TRPM5: variants seen among roughly 807,000 people sequenced by gnomAD.
The protein encoded by TRPM5 is transient receptor potential cation channel subfamily M member 5.
TRPM5 carries 121 observed loss-of-function variants against 124.9 expected under a neutral mutation model. That is an observed-to-expected ratio of 0.97 (90% CI 0.84 to 1.13). The LOEUF (loss-of-function observed/expected upper bound fraction) is 1.13, where lower values mean the gene tolerates loss of function less well. Among genes scored for constraint, TRPM5 ranks in the 50% most tolerant of loss-of-function variants. TRPM5 has a pLI of 0.00. For missense variants in TRPM5, 1,643 were observed against 1,589.1 expected (o/e 1.03, Z -0.58); for synonymous variants, 781 against 700.5 (o/e 1.11, Z -1.81).
chr11:2,433,854 C>T, the TRPM5 span, among the ~76,000 whole-genome samples: 7 of 151,242 alleles, frequency 4.6e-5, no homozygotes, highest in African/African-American at 1.5e-4. Flanking sequence ...ACTGTGTGTG[C>T]GGACAGCAGG....
Position 2,411,630 on chromosome 11 carries a change from C to T in TRPM5, c.2607+5G>A. 6.2e-7 allele frequency: 1 copy of T among 1,612,136 alleles called. No individual in the cohort carries two copies. The highest frequency in any genetic ancestry group is 8.5e-7 in the Non-Finnish European group (1 of 1,179,696). ...GGGCCAGGGCCAGGGCCCCCGGGGG[C>T]TCACCATGCGCTCTACCACGATGAT... is the stretch of plus-strand genomic sequence containing the variant. On this transcript the variant is annotated splice_donor_5th_base_variant and intron_variant, in intron 17 of 23. Coordinates refer to ENST00000155858, the Ensembl canonical transcript of TRPM5.
At chr11:2,412,619 TG>T in intron 15 of TRPM5, 134 bp downstream of exon 20, 1 of 987,934 alleles carries the variant, frequency 1.0e-6, no homozygotes, top group Non-Finnish European at 1.5e-6. Context: ...CGCTGGTGAC[TG>T]GGAAGATGGG....
At chr11:2,442,381 AC>A in the TRPM5 span, among the ~76,000 whole-genome samples, 1 of 56,180 alleles carries the variant, frequency 1.8e-5, no homozygotes, top group African/African-American at 2.3e-4. The surrounding 1 kb of genome is among the most constrained non-coding windows in gnomAD (Gnocchi z 5.9). Flanking sequence ...TTTGATACAC[AC>A]ACACACACAC....
chr11:2,422,158 T>G, exon 2 of TRPM5: 1 of 1,609,022 alleles, frequency 6.2e-7, no homozygotes, highest in Non-Finnish European at 8.5e-7. Context: ...CTGAGCCGCC[T>G]TCACCAGCCC....
chr11:2,432,876 T>A, the TRPM5 span, among the ~76,000 whole-genome samples: 1 of 152,132 alleles, frequency 6.6e-6, no homozygotes, highest in Admixed American at 6.5e-5. Context: ...GGGCGTCAGG[T>A]CTGACCCCTC....
At position 2,422,186 on chromosome 11, in the gene TRPM5, G is replaced by A. The variant is rs777208648; in HGVS notation, c.253C>T (p.Arg85Trp). 4.8e-5 allele frequency: 78 copies of A among 1,611,894 alleles called. No individual in the cohort carries two copies. The highest frequency in any genetic ancestry group is 4.0e-5 in the African/African-American group (3 of 74,842). ...ACCAGCCCCTTGCGCAGCACATCCCGCAGCCAGGACTTCATGGCGAAAGGC... is the reference window on the plus strand; with the variant it reads ...ACCAGCCCCTTGCGCAGCACATCCCACAGCCAGGACTTCATGGCGAAAGGC... Residue 85 changes from arginine to tryptophan, a missense_variant, in exon 2 of 24, where the codon CGG (arginine) becomes TGG (tryptophan). Arg to Trp is a moderately radical substitution (Grantham distance 101). Transcript: ENST00000155858.
At chr11:2,409,331 G>A (rs978590518) in intron 18 of TRPM5, among the ~76,000 whole-genome samples, 12 of 151,986 alleles carry the variant, frequency 7.9e-5, no homozygotes. Context: ...CCAGCCTGGA[G>A]AGCCTGTTTG....
At chr11:2,407,851 G>T (rs1371968944) in exon 19 of TRPM5, 1 of 1,614,032 alleles carries the variant, frequency 6.2e-7, no homozygotes, top group South Asian at 1.1e-5. Flanking sequence ...TGGCATAGAG[G>T]CTGGGGCAGG....
chr11:2,410,308 C>T (rs57116231), intron 18 of TRPM5, among the ~76,000 whole-genome samples: 305 of 152,334 alleles, frequency 2.0e-3, no homozygotes, highest in African/African-American at 7.3e-3. Flanking sequence ...GTCATCCCCT[C>T]AACAAATATT....
upstream of TRPM5, among the ~76,000 whole-genome samples, chr11:2,425,787 G>T (rs1016954046): frequency 2.6e-5 from 4 of 152,192 alleles, no homozygotes; most frequent in South Asian, 2.1e-4. Context: ...GGTGTAGGGG[G>T]CTTGGGGTTT....
Position 2,411,287 on chromosome 11 carries a change from C to G in TRPM5, c.2782+65G>C, listed in dbSNP as rs74050548. On this transcript the variant is annotated intron_variant, in intron 18 of 23. Transcript: ENST00000155858. ...CAGACCTCTCTGGAGAGCCTCATGC[C>G]CAGGGCTTGTGCACACAGGGCTCCA... 14,004 of 1,469,678 alleles carry G rather than the reference C, an allele frequency of 9.5e-3. 1,031 individuals are homozygous for G. The African/African-American group carries it at 0.17, about 18-fold the overall frequency. The allele number at this position is 1,469,678 out of a possible 1,614,324, so 91.0% of individuals were successfully genotyped here. A position where few individuals can be genotyped will look rare whatever the true frequency, so the allele number is the denominator to read the frequency against.
chr11:2,415,857 C>T, intron 8 of TRPM5, 49 bp downstream of exon 13: 1 of 1,376,976 alleles, frequency 7.3e-7, no homozygotes, highest in Non-Finnish European at 1.0e-6. Context: ...GCGTGGGCAG[C>T]TCGGGCAGTG....
exon 22 of TRPM5, chr11:2,406,067 G>A (rs200741906): frequency 8.2e-5 from 132 of 1,612,120 alleles, no homozygotes; most frequent in Admixed American, 3.8e-4. Flanking sequence ...TCAGACCCCC[G>A]AGGTACTTGG....
chr11:2,416,861 G>C (rs1386116303), intron 7 of TRPM5, among the ~76,000 whole-genome samples: 1 of 152,180 alleles, frequency 6.6e-6, no homozygotes, highest in Non-Finnish European at 1.5e-5. Context: ...GTGAACAGAC[G>C]CATCAACCAC....
intron 12 of TRPM5, 52 bp downstream of exon 17, chr11:2,414,009 G>GGGGGGCGCCCCCCCCC: frequency 2.9e-6 from 3 of 1,023,732 alleles, no homozygotes; most frequent in Non-Finnish European, 4.3e-6. Flanking sequence ...GGCCCAGCTC[G>GGGGGGCGCCCCCCCCC]CCCGCCCACC....
the TRPM5 span, among the ~76,000 whole-genome samples, chr11:2,439,559 A>G: frequency 1.3e-5 from 2 of 152,278 alleles, no homozygotes; most frequent in African/African-American, 2.4e-5. Context: ...CATGCGGTCA[A>G]CAAGCATATA....
At chr11:2,404,115 T>TC (rs1850264524), downstream of TRPM5, among the ~76,000 whole-genome samples, 1 of 151,906 alleles carries the variant, frequency 6.6e-6, no homozygotes, top group African/African-American at 2.4e-5. Flanking sequence ...GAATCTGCCC[T>TC]CCCCCAACCA....
intron 2 of TRPM5, among the ~76,000 whole-genome samples, chr11:2,421,862 G>C (rs1046740623): frequency 2.6e-5 from 4 of 152,184 alleles, no homozygotes; most frequent in African/African-American, 9.7e-5. Flanking sequence ...AGGCCCAGCT[G>C]GGGGAGGTCC....
Position 2,414,045 on chromosome 11 carries a change from G to T in TRPM5, c.1890+16C>A. On this transcript the variant is annotated intron_variant, in intron 12 of 23. Transcript: ENST00000155858. ...CCACCCCCTGGCAGCTCTCCTCGAGGACAGCTGGCACTCACCTGAACGCCG... is the reference window on the plus strand; with the variant it reads ...CCACCCCCTGGCAGCTCTCCTCGAGTACAGCTGGCACTCACCTGAACGCCG... The T allele has an allele frequency of 7.7e-7, 1 of 1,302,130 alleles. No individual in the cohort carries two copies. Among genetic ancestry groups the T allele is most frequent in the South Asian group, 1.2e-5 (1 of 80,696 alleles). 80.7% of individuals were successfully genotyped at this position (1,302,130 alleles called of 1,614,324 possible).
Sources: gnomAD v4.1 joint callset for allele counts (sites outside exome capture counted in the v4.1 genomes callset) on GRCh38, gnomAD v4.1.1 for gene constraint, Gnocchi (gnomAD v3.1) non-coding constraint, MANE v1.5 for transcripts, NCBI Gene and HGNC (gene_info 2026-07-23, HGNC 2026-07-21) for gene names.